Variants in RBFOX1 observed in about 807,000 individuals in gnomAD.
The protein encoded by RBFOX1 is RNA binding protein fox-1 homolog 1.
RBFOX1 carries 8 observed loss-of-function variants against 57.7 expected under a neutral mutation model. The ratio of observed to expected loss-of-function variants is 0.14; its 90% CI spans 0.08 to 0.25. The LOEUF (loss-of-function observed/expected upper bound fraction) is 0.25, where lower values mean the gene tolerates loss of function less well. RBFOX1 is among the 10% of genes least tolerant of loss of function. The pLI is 1.00. For synonymous variants in RBFOX1, 326 were observed against 222.4 expected, an observed-to-expected ratio of 1.47 and a Z score of -4.15; for missense variants, 611 against 548.5, an observed-to-expected ratio of 1.11 and a Z score of -1.14.
intron 1 of RBFOX1, among the ~76,000 whole-genome samples, chr16:6,233,672 A>C (rs1474820753): frequency 6.6e-6 from 1 of 152,082 alleles, no homozygotes; most frequent in East Asian, 1.9e-4. Context: ...ACAGTAGAGC[A>C]ATCATAGCTC....
Position 5,345,635 on chromosome 16 carries a change from G to A in RBFOX1, c.219+105530G>A, listed in dbSNP as rs150775885. On this transcript the variant is annotated intron_variant, in intron 1 of 2. Coordinates refer to the RBFOX1 transcript ENST00000585867. ...ATTGAGTCTGCATTTGGCCGTGCTC[G>A]TTGGGCTTCTTAAACACCCAGGAGC... is the stretch of plus-strand genomic sequence containing the variant. Among the ~76,000 whole-genome samples, 52 of 152,302 alleles carry A rather than the reference G, an allele frequency of 3.4e-4. No homozygotes were observed. The East Asian group carries it at 8.7e-3, about 26-fold the overall frequency.
intron 1 of RBFOX1, among the ~76,000 whole-genome samples, chr16:6,315,247 A>G (rs1224170702): frequency 2.0e-5 from 3 of 152,220 alleles, no homozygotes; most frequent in Non-Finnish European, 2.9e-5. Context: ...TAGTGAAGCC[A>G]AGGATGACTG....
intron 2 of RBFOX1, among the ~76,000 whole-genome samples, chr16:6,543,862 AGAAGAAGAAGGG>A (rs1213485584): frequency 1.3e-5 from 2 of 152,190 alleles, no homozygotes; most frequent in African/African-American, 4.8e-5. Context: ...AAAAACCAAA[AGAAGAAGAAGGG>A]GAACCCAGGA....
At chr16:5,574,037 C>T (rs1433120684) in intron 2 of RBFOX1, among the ~76,000 whole-genome samples, 3 of 152,178 alleles carry the variant, frequency 2.0e-5, no homozygotes, top group Non-Finnish European at 4.4e-5. Flanking sequence ...ATGGATTTGC[C>T]CCCGATGCCA....
intron 3 of RBFOX1, among the ~76,000 whole-genome samples, chr16:6,752,790 A>C (rs1403696040): frequency 6.8e-6 from 1 of 147,368 alleles, no homozygotes; most frequent in Admixed American, 7.1e-5. Flanking sequence ...GCTGGTAATG[A>C]AATTGTCAAA....
chr16:7,012,528 G>A (rs12445944), intron 3 of RBFOX1, among the ~76,000 whole-genome samples: 3 of 152,060 alleles, frequency 2.0e-5, no homozygotes, highest in Non-Finnish European at 4.4e-5. Flanking sequence ...AGAAAAACAA[G>A]GACATTGGAA....
intron 2 of RBFOX1, chr16:6,483,210 G>A (rs1319618395): frequency 2.5e-6 from 3 of 1,203,802 alleles, no homozygotes; most frequent in South Asian, 2.8e-5. Flanking sequence ...GAGGCCGGCC[G>A]GGGAAGCCGG....
At chr16:6,034,811 C>G (rs1057334785) in intron 1 of RBFOX1, among the ~76,000 whole-genome samples, 2 of 152,072 alleles carry the variant, frequency 1.3e-5, no homozygotes, top group African/African-American at 4.8e-5. Context: ...GGAGTAGACC[C>G]TGCTCTCATC....
At chr16:7,152,218 C>G (rs2076239472) in intron 4 of RBFOX1, among the ~76,000 whole-genome samples, 1 of 152,128 alleles carries the variant, frequency 6.6e-6, no homozygotes, top group Non-Finnish European at 1.5e-5. Context: ...CAGTCTATAC[C>G]ATGCGTCCAT....
At chr16:6,713,274 G>GTTTC (rs2064081578) in intron 3 of RBFOX1, among the ~76,000 whole-genome samples, 1 of 151,684 alleles carries the variant, frequency 6.6e-6, no homozygotes, top group South Asian at 2.1e-4. Context: ...GTTTTTGTTT[G>GTTTC]TTTGTGTAAT....
intron 2 of RBFOX1, among the ~76,000 whole-genome samples, chr16:5,527,603 T>C (rs1298090263): frequency 6.6e-6 from 1 of 152,196 alleles, no homozygotes; most frequent in Admixed American, 6.5e-5. Context: ...AATTAACATG[T>C]ACATTATTAC....
intron 4 of RBFOX1, among the ~76,000 whole-genome samples, chr16:7,440,184 C>T (rs571750011): frequency 2.0e-5 from 3 of 152,172 alleles, no homozygotes; most frequent in African/African-American, 7.2e-5. Flanking sequence ...ATGTGAGACA[C>T]TGTGTCTGGC....
chr16:5,657,774 C>CCAGGTTGG (rs1215196333), intron 3 of RBFOX1, among the ~76,000 whole-genome samples: 2 of 142,756 alleles, frequency 1.4e-5, no homozygotes, highest in Non-Finnish European at 3.1e-5. Flanking sequence ...ACTCTGTCAC[C>CCAGGTTGG]CAGGTTGGAG....
intron 3 of RBFOX1, among the ~76,000 whole-genome samples, chr16:5,658,344 A>T (rs1948224156): frequency 6.6e-6 from 1 of 152,104 alleles, no homozygotes; most frequent in African/African-American, 2.4e-5. Context: ...TGTAGCTGAA[A>T]CAAGCTGAGG....
At chr16:5,703,625 A>T (rs1364801758) in intron 3 of RBFOX1, among the ~76,000 whole-genome samples, 1 of 152,154 alleles carries the variant, frequency 6.6e-6, no homozygotes, top group Non-Finnish European at 1.5e-5. Flanking sequence ...GGATGCTTGC[A>T]TTTGGGTTTC....
intron 1 of RBFOX1, among the ~76,000 whole-genome samples, chr16:5,420,755 C>T (rs965815433): frequency 6.6e-6 from 1 of 151,996 alleles, no homozygotes; most frequent in Non-Finnish European, 1.5e-5. Flanking sequence ...AGGCTGGTCT[C>T]AAACTCTTGG....
At chr16:6,313,226 G>T (rs1051459706) in intron 1 of RBFOX1, among the ~76,000 whole-genome samples, 15 of 152,302 alleles carry the variant, frequency 9.8e-5, no homozygotes, top group Admixed American at 2.6e-4. Context: ...GGCTGGAGCT[G>T]TGTCTAGGAG....
rs144202823 is a variant in RBFOX1, at chr16:6,971,038, A to T, written c.-15-81019A>T. ...ACAGATATTTCTTGAGAACCATACTATCTAATCTGTCCAAGACATAATGAT... is the reference window on the plus strand; with the variant it reads ...ACAGATATTTCTTGAGAACCATACTTTCTAATCTGTCCAAGACATAATGAT... On this transcript the variant is annotated intron_variant, in intron 3 of 15. Transcript: ENST00000550418. Among the ~76,000 whole-genome samples the T allele has an allele frequency of 6.5e-3, 987 of 152,314 alleles. 15 individuals are homozygous for T. The highest frequency in any genetic ancestry group is 0.023 in the African/African-American group (936 of 41,566).
chr16:5,765,489 C>T (rs546909542), intron 3 of RBFOX1, among the ~76,000 whole-genome samples: 1 of 152,252 alleles, frequency 6.6e-6, no homozygotes, highest in South Asian at 2.1e-4. Flanking sequence ...CCATGAGAGG[C>T]GTAAAGACAT....
Sources: gnomAD v4.1 joint callset for allele counts (sites outside exome capture counted in the v4.1 genomes callset) on GRCh38, gnomAD v4.1.1 for gene constraint, MANE v1.5 for transcripts, NCBI Gene and HGNC (gene_info 2026-07-23, HGNC 2026-07-21) for gene names.